Variants in ADGRL3 observed in about 807,000 individuals in gnomAD.
ADGRL3 encodes the protein calcium-independent alpha-latrotoxin receptor 3.
ADGRL3 carries 62 observed loss-of-function variants against 153.5 expected under a neutral mutation model. That is an observed-to-expected ratio of 0.40 (90% CI 0.33 to 0.50). ADGRL3 has a LOEUF of 0.50. ADGRL3 is among the 20% of genes least tolerant of loss of function. The pLI, the probability that ADGRL3 is intolerant of heterozygous loss-of-function variation, is 0.47. For missense variants in ADGRL3, 1,641 were observed against 1,859.4 expected, an observed-to-expected ratio of 0.88 and a Z score of 2.16; for synonymous variants, 710 against 672.5, an observed-to-expected ratio of 1.06 and a Z score of -0.86.
chr4:62,070,132 G>A lies in ADGRL3; in HGVS notation c.3856G>A (p.Asp1286Asn). ...ETKGLLNNAR[D>N]TSVMDTLPLN... ...AGAGGGGCTTCTGAACAATGCCAGG[G>A]ATACAAGTGTCATGGATACTCTACC... The change falls in exon 27 of 27, where the codon GAT (aspartate) becomes AAT (asparagine). Residue 1286 changes from aspartate (D) to asparagine (N), a missense_variant. By Grantham distance (23) the Asp-to-Asn change is conservative (BLOSUM62 1). This residue lies in a region of ADGRL3 where 517 missense variants were observed against 555.0 expected (regional missense o/e 0.93). Coordinates refer to ENST00000683033, the MANE Select transcript of ADGRL3 (RefSeq NM_001387552.1). 1 of 1,613,824 alleles carries A rather than the reference G, an allele frequency of 6.2e-7. No homozygotes were observed. The highest frequency in any genetic ancestry group is 8.5e-7 in the Non-Finnish European group (1 of 1,179,852).
rs549853730 is a variant in ADGRL3 at position 61,864,406 on chromosome 4, A to G, written c.1481-28250A>G. Reference sequence around the variant, plus strand: ...TCTGCTGTGCAAAAGGACTTGCATGACCCTCAGTAAATATCTGAATGTCAA... The same window carrying G: ...TCTGCTGTGCAAAAGGACTTGCATGGCCCTCAGTAAATATCTGAATGTCAA... On this transcript the variant is annotated intron_variant, in intron 9 of 26. Transcript: ENST00000683033. 1.6e-4 allele frequency among the ~76,000 whole-genome samples: 24 copies of G among 152,260 alleles called. No individual in the cohort carries two copies. The South Asian group carries it at 5.0e-3, about 32-fold the overall frequency.
chr4:61,221,172 A>C (rs1222978855), intron 1 of ADGRL3, among the ~76,000 whole-genome samples: 1 of 152,344 alleles, frequency 6.6e-6, no homozygotes, highest in Non-Finnish European at 1.5e-5. Context: ...TAGTTTTATA[A>C]ACGTGTATTA....
intron 4 of ADGRL3, among the ~76,000 whole-genome samples, chr4:61,544,173 G>A (rs72636199): frequency 0.11 from 16,387 of 152,136 alleles, 1,134 homozygotes; most frequent in Middle Eastern, 0.17. Context: ...CCAGAATGAC[G>A]GCATCAGTTT....
chr4:61,296,012 C>A (rs2094400126), intron 1 of ADGRL3, among the ~76,000 whole-genome samples: 1 of 151,928 alleles, frequency 6.6e-6, no homozygotes, highest in African/African-American at 2.4e-5. Context: ...GATAACTGAA[C>A]CTTTTAGTAT....
At chr4:61,587,553 CAAAA>C in intron 5 of ADGRL3, 113 bp downstream of exon 5, 2 of 797,404 alleles carry the variant, frequency 2.5e-6, no homozygotes, top group South Asian at 4.0e-5. Context: ...TAGGACACTT[CAAAA>C]TAGTTTTTCC....
chr4:62,062,012 A>G (rs1740467245), intron 25 of ADGRL3, among the ~76,000 whole-genome samples: 1 of 152,010 alleles, frequency 6.6e-6, no homozygotes, highest in African/African-American at 2.4e-5. Context: ...TAGTAATTGC[A>G]CAAGTAGTTT....
At chr4:61,487,351 A>G (rs896631899) in intron 2 of ADGRL3, among the ~76,000 whole-genome samples, 1 of 152,134 alleles carries the variant, frequency 6.6e-6, no homozygotes, top group African/African-American at 2.4e-5. Context: ...TGGAGTTTTT[A>G]TAGGATATAC....
At chr4:61,861,194 A>G (rs1031804321) in intron 9 of ADGRL3, among the ~76,000 whole-genome samples, 2 of 152,212 alleles carry the variant, frequency 1.3e-5, no homozygotes, top group African/African-American at 4.8e-5. Flanking sequence ...GATTGTTAAA[A>G]GCAAGGATTT....
At chr4:61,502,841 G>A (rs894887555) in intron 3 of ADGRL3, among the ~76,000 whole-genome samples, 2 of 152,120 alleles carry the variant, frequency 1.3e-5, no homozygotes, top group Admixed American at 6.6e-5. Flanking sequence ...AAAGAGTCAG[G>A]TTGACTTCTA....
chr4:61,995,659 G>C (rs2099119219), intron 19 of ADGRL3, among the ~76,000 whole-genome samples: 1 of 152,122 alleles, frequency 6.6e-6, no homozygotes, highest in South Asian at 2.1e-4. Context: ...AATTGGGGGA[G>C]TATTAAATGT....
intron 21 of ADGRL3, among the ~76,000 whole-genome samples, chr4:61,998,510 A>G (rs2099129412): frequency 6.6e-6 from 1 of 151,910 alleles, no homozygotes; most frequent in African/African-American, 2.4e-5. Context: ...AGTTTTAAAT[A>G]TCTATATTCA....
At chr4:61,814,505 A>G (rs952267682) in intron 9 of ADGRL3, among the ~76,000 whole-genome samples, 2 of 152,154 alleles carry the variant, frequency 1.3e-5, no homozygotes, top group East Asian at 1.9e-4. Context: ...ATATTTACCA[A>G]TGATTTTCAA....
At chr4:62,059,432 T>C in intron 25 of ADGRL3, among the ~76,000 whole-genome samples, 1 of 152,128 alleles carries the variant, frequency 6.6e-6, no homozygotes, top group African/African-American at 2.4e-5. Context: ...ATAATTACAT[T>C]GATTTCAAAT....
intron 8 of ADGRL3, among the ~76,000 whole-genome samples, chr4:61,746,651 G>C (rs1278457956): frequency 1.3e-5 from 2 of 152,110 alleles, no homozygotes; most frequent in East Asian, 1.9e-4. Context: ...GATGTTCTTT[G>C]AAACCAACAA....
At chr4:61,707,429 TG>T (rs1485295540) in intron 6 of ADGRL3, among the ~76,000 whole-genome samples, 5 of 152,178 alleles carry the variant, frequency 3.3e-5, no homozygotes, top group Admixed American at 6.5e-5. Context: ...AAATGAAATA[TG>T]CCTGTGCTAA....
At chr4:61,341,934 C>T (rs1207811324) in intron 1 of ADGRL3, among the ~76,000 whole-genome samples, 2 of 152,088 alleles carry the variant, frequency 1.3e-5, no homozygotes, top group African/African-American at 2.4e-5. Context: ...CCAAAATACT[C>T]TAAAATGTAA....
At chr4:61,718,116 G>GT (rs1164577266) in intron 6 of ADGRL3, among the ~76,000 whole-genome samples, 1 of 152,044 alleles carries the variant, frequency 6.6e-6, no homozygotes, top group African/African-American at 2.4e-5. Flanking sequence ...ATGGTTATTT[G>GT]TTTTTTGGGT....
At chr4:61,278,378 G>C (rs917483371) in intron 1 of ADGRL3, among the ~76,000 whole-genome samples, 2 of 152,118 alleles carry the variant, frequency 1.3e-5, no homozygotes, top group African/African-American at 4.8e-5. Flanking sequence ...TTGAATTTTA[G>C]CTTTTAGAAA....
At chr4:61,654,085 C>T (rs761110732) in intron 5 of ADGRL3, among the ~76,000 whole-genome samples, 15 of 152,260 alleles carry the variant, frequency 9.9e-5, no homozygotes, top group Non-Finnish European at 2.2e-4. Flanking sequence ...AGGCAACATA[C>T]ATGGGAAAAG....
Sources: gnomAD v4.1 joint callset for allele counts (sites outside exome capture counted in the v4.1 genomes callset) on GRCh38, gnomAD v4.1.1 for gene constraint, gnomAD v4.1.1 regional missense constraint, MANE v1.5 for transcripts, NCBI Gene and HGNC (gene_info 2026-07-23, HGNC 2026-07-21) for gene names.